The following SGTB variants were observed in gnomAD, a reference collection of about 807,000 sequenced individuals.
SGTB encodes the protein small glutamine-rich tetratricopeptide repeat-containing protein beta.
Under a neutral mutation model 43.9 loss-of-function variants are expected in SGTB, and 19 were observed. That is an observed-to-expected ratio of 0.43 (90% confidence interval 0.30 to 0.63). The LOEUF is 0.63. Ranked by LOEUF, SGTB falls within the 30% of genes least tolerant of loss-of-function variation. SGTB has a pLI of 0.12. For synonymous variants in SGTB, 116 were observed against 117.3 expected (o/e 0.99, Z 0.07); for missense variants, 304 against 358.9 (o/e 0.85, Z 1.24).
At chr5:65,716,145 CG>C (rs1758145462) in intron 2 of SGTB, among the ~76,000 whole-genome samples, 1 of 152,106 alleles carries the variant, frequency 6.6e-6, no homozygotes, top group Non-Finnish European at 1.5e-5. Flanking sequence ...TTAAAGGAGA[CG>C]GGGGTGTTAG....
rs547625714 is a variant in SGTB at position 65,670,474 on chromosome 5, A to C, written c.804-117T>G. 3 of 725,430 alleles carry C rather than the reference A, an allele frequency of 4.1e-6. No homozygotes were observed. In the African/African-American group the frequency reaches 5.3e-5, roughly 13 times the overall value. The allele number at this position is 725,430 out of a possible 1,614,324, so 44.9% of individuals were successfully genotyped here. A position where few individuals can be genotyped will look rare whatever the true frequency, so the allele number is the denominator to read the frequency against. On this transcript the variant is annotated intron_variant, in intron 10 of 10. Transcript: ENST00000381007. ...AAGGGGGCTTTTTTCTATAAAAACA[A>C]GTTTCAGAGCCATGACTTTAGAATC...
At chr5:65,672,608 C>T (rs1441971227) in intron 8 of SGTB, among the ~76,000 whole-genome samples, 1 of 152,190 alleles carries the variant, frequency 6.6e-6, no homozygotes, top group Non-Finnish European at 1.5e-5. Flanking sequence ...GGATCTCCTA[C>T]ACTTGAGAAG....
intron 5 of SGTB, among the ~76,000 whole-genome samples, chr5:65,693,677 A>G (rs1256903958): frequency 1.3e-5 from 2 of 152,210 alleles, no homozygotes; most frequent in African/African-American, 2.4e-5. Context: ...CTTTTGTGGA[A>G]TACCTATAAT....
At chr5:65,692,944 G>T (rs1190259036) in intron 5 of SGTB, among the ~76,000 whole-genome samples, 3 of 152,092 alleles carry the variant, frequency 2.0e-5, no homozygotes, top group Non-Finnish European at 4.4e-5. Context: ...GGTGGCTCAT[G>T]CCTGTAATCC....
chr5:65,707,425 C>CACAT (rs2150720393), intron 4 of SGTB, among the ~76,000 whole-genome samples: 1 of 148,708 alleles, frequency 6.7e-6, no homozygotes, highest in East Asian at 2.0e-4. Flanking sequence ...CACACACACA[C>CACAT]ACACACACAC....
intron 4 of SGTB, among the ~76,000 whole-genome samples, chr5:65,705,136 T>C (rs1407369148): frequency 6.6e-6 from 1 of 152,344 alleles, no homozygotes; most frequent in East Asian, 1.9e-4. Context: ...CCTCTGCACT[T>C]GTAAGAACCA....
chr5:65,705,021 C>T (rs963738831), intron 4 of SGTB, among the ~76,000 whole-genome samples: 12 of 152,208 alleles, frequency 7.9e-5, no homozygotes, highest in Admixed American at 2.0e-4. Flanking sequence ...GGAAGGGCAT[C>T]TGCAGATACA....
chr5:65,678,913 A>G (rs1410779381), intron 8 of SGTB, among the ~76,000 whole-genome samples: 1 of 152,220 alleles, frequency 6.6e-6, no homozygotes, highest in Non-Finnish European at 1.5e-5. Flanking sequence ...AGGCAATATC[A>G]TTCAGGACAT....
intron 1 of SGTB, 134 bp downstream of exon 1, chr5:65,721,783 G>C (rs1405443888): frequency 6.6e-6 from 1 of 152,394 alleles, no homozygotes; most frequent in Non-Finnish European, 1.5e-5. Flanking sequence ...AGAGCGCATC[G>C]AGCTCCCCCT....
intron 8 of SGTB, among the ~76,000 whole-genome samples, chr5:65,674,671 C>T (rs1026793777): frequency 9.2e-5 from 14 of 152,096 alleles, no homozygotes; most frequent in Non-Finnish European, 1.9e-4. Context: ...GTTTTTTATC[C>T]CCATCTTTTG....
At chr5:65,708,268 C>T (rs1037437331) in intron 4 of SGTB, among the ~76,000 whole-genome samples, 1 of 152,178 alleles carries the variant, frequency 6.6e-6, no homozygotes, top group Non-Finnish European at 1.5e-5. Flanking sequence ...ACTTTTACAA[C>T]AGATCTGCTT....
At chr5:65,706,454 T>C (rs1036426901) in intron 4 of SGTB, among the ~76,000 whole-genome samples, 2 of 151,514 alleles carry the variant, frequency 1.3e-5, no homozygotes, top group African/African-American at 2.4e-5. Flanking sequence ...AATGTATATA[T>C]ACATACCACA....
chr5:65,693,866 G>C (rs1049453712), intron 5 of SGTB, among the ~76,000 whole-genome samples: 1 of 152,162 alleles, frequency 6.6e-6, no homozygotes, highest in African/African-American at 2.4e-5. Flanking sequence ...CTAACCCTAT[G>C]CCAAGCTGTC....
At chr5:65,722,374 A>C, upstream of SGTB, 1 of 1,582,832 alleles carries the variant, frequency 6.3e-7, no homozygotes, top group Non-Finnish European at 8.6e-7. Flanking sequence ...CAGCGCTCCC[A>C]TGATCGCCCG....
At position 65,716,030 on chromosome 5, in the gene SGTB, G is replaced by A. The variant is rs9885547; in HGVS notation, c.101-2966C>T. ...AGTGATCCGCCCGCCTCGGCCTCCC[G>A]AAGTACTGGGATTACAGGTGTGAGC... On this transcript the variant is annotated intron_variant, in intron 2 of 10. Coordinates refer to ENST00000381007, the MANE Select transcript of SGTB (RefSeq NM_019072.3). Among the ~76,000 whole-genome samples the A allele has an allele frequency of 1.5e-3, 230 of 152,242 alleles. 1 individual carries two copies. Among genetic ancestry groups the A allele is most frequent in the African/African-American group, 5.5e-3 (228 of 41,556 alleles).
At chr5:65,711,909 G>T (rs1259324581) in intron 3 of SGTB, among the ~76,000 whole-genome samples, 2 of 152,048 alleles carry the variant, frequency 1.3e-5, no homozygotes, top group Non-Finnish European at 2.9e-5. Context: ...CTCAAGTACG[G>T]AGTTAGAAAA....
rs1041244535 is a variant in SGTB at position 65,668,772 on chromosome 5, G to A, written c.*1474C>T. Reference sequence around the variant, plus strand: ...AAAAAAAAAAAATTAGCTGGGCGTGGTGGTGGGCGCCCGTAATCCCAGCTA... The same window carrying A: ...AAAAAAAAAAAATTAGCTGGGCGTGATGGTGGGCGCCCGTAATCCCAGCTA... On this transcript the variant is annotated 3_prime_UTR_variant, in exon 11 of 11. Coordinates refer to ENST00000381007, the MANE Select transcript of SGTB (RefSeq NM_019072.3). 5 of 151,814 alleles carry A rather than the reference G, an allele frequency of 3.3e-5. No homozygotes were observed. Among genetic ancestry groups the A allele is most frequent in the Non-Finnish European group, 7.3e-5 (5 of 68,028 alleles). The allele number at this position is 151,814 out of a possible 1,614,324, so 9.4% of individuals were successfully genotyped here.
chr5:65,705,036 G>A (rs1455988604), intron 4 of SGTB, among the ~76,000 whole-genome samples: 1 of 152,180 alleles, frequency 6.6e-6, no homozygotes, highest in Non-Finnish European at 1.5e-5. Flanking sequence ...GATACATCTG[G>A]CAGTAATTTA....
At chr5:65,699,458 T>A (rs1757772074) in intron 5 of SGTB, among the ~76,000 whole-genome samples, 1 of 152,156 alleles carries the variant, frequency 6.6e-6, no homozygotes, top group Admixed American at 6.5e-5. Flanking sequence ...GGGTGATAGT[T>A]TCACTAAAAT....
Sources: gnomAD v4.1 joint callset for allele counts (sites outside exome capture counted in the v4.1 genomes callset) on GRCh38, gnomAD v4.1.1 for gene constraint, MANE v1.5 for transcripts, NCBI Gene and HGNC (gene_info 2026-07-23, HGNC 2026-07-21) for gene names.